The following POLR1A variants were observed in gnomAD, a reference collection of about 807,000 sequenced individuals.
The protein encoded by POLR1A is RNA polymerase I subunit A.
Under a neutral mutation model 205.3 loss-of-function variants are expected in POLR1A, and 84 were observed. That is an observed-to-expected ratio of 0.41 (90% CI 0.34 to 0.49). POLR1A has a LOEUF of 0.49. Among genes scored for constraint, POLR1A ranks in the 20% least tolerant of loss-of-function variants. The pLI is 0.22. For missense variants in POLR1A, 1,645 were observed against 2,204.5 expected (o/e 0.75, Z 5.08); for synonymous variants, 799 against 863.7 (o/e 0.93, Z 1.31).
At chr2:86,093,787 C>A (rs1364900163) in intron 3 of POLR1A, among the ~76,000 whole-genome samples, 1 of 152,156 alleles carries the variant, frequency 6.6e-6, no homozygotes, top group African/African-American at 2.4e-5. Context: ...CGAGATAGTG[C>A]CACTGTACTC....
At chr2:86,072,752 G>C (rs1673202397) in intron 12 of POLR1A, among the ~76,000 whole-genome samples, 1 of 152,186 alleles carries the variant, frequency 6.6e-6, no homozygotes, top group African/African-American at 2.4e-5. Context: ...CAGGGGATGG[G>C]GCAGAGCTTT....
rs1306823480 is a variant in POLR1A at position 86,023,510 on chromosome 2, G to A, written c.*3913C>T. The stretch of plus-strand genomic sequence containing the variant: ...AGAACACTTAAGGGTCCCAACATCT[G>A]ATTGAAACACAGCCCACACCAAACC... On this transcript the variant is annotated 3_prime_UTR_variant, in exon 34 of 34. Transcript: ENST00000263857. 1.3e-5 allele frequency: 2 copies of A among 152,158 alleles called. No individual in the cohort carries two copies. Among genetic ancestry groups the A allele is most frequent in the Non-Finnish European group, 2.9e-5 (2 of 68,034 alleles). 9.4% of individuals were successfully genotyped at this position (152,158 alleles called of 1,614,324 possible). A position where few individuals can be genotyped will look rare whatever the true frequency, so the allele number is the denominator to read the frequency against.
chr2:86,058,088 T>TCTCTACTCTA lies in POLR1A; in HGVS notation c.2059-3809_2059-3800dup, dbSNP rs142733694. Among the ~76,000 whole-genome samples the TCTCTACTCTA allele has an allele frequency of 3.8e-3, 580 of 152,116 alleles. 18 individuals carry two copies. In the East Asian group the frequency reaches 0.087, roughly 23 times the overall value. On this transcript the variant is annotated intron_variant, in intron 14 of 33. Coordinates refer to ENST00000263857, the MANE Select transcript of POLR1A (RefSeq NM_015425.6). ...CATGCCCAGCTACTCTACTCTACTC[T>TCTCTACTCTA]CTCTACTCTACTCTACTCTATTCAT...
At chr2:86,060,297 T>C (rs1211414419) in intron 14 of POLR1A, among the ~76,000 whole-genome samples, 2 of 152,144 alleles carry the variant, frequency 1.3e-5, no homozygotes, top group African/African-American at 4.8e-5. Flanking sequence ...GTGCACAGTG[T>C]GAAAGTTTAC....
chr2:86,093,446 C>T lies in POLR1A; in HGVS notation c.433-3517G>A, dbSNP rs574557713. Among the ~76,000 whole-genome samples the T allele has an allele frequency of 1.4e-4, 21 of 152,264 alleles. No individual in the cohort carries two copies. The South Asian group carries it at 1.9e-3, about 14-fold the overall frequency. ...GACACTCACAAATATGACCGTGATA[C>T]GATCATCAAAAAATGGTAACTTAGC... On this transcript the variant is annotated intron_variant, in intron 3 of 33. Coordinates refer to ENST00000263857, the MANE Select transcript of POLR1A (RefSeq NM_015425.6).
intron 13 of POLR1A, among the ~76,000 whole-genome samples, chr2:86,068,392 G>GGGC (rs1558775777): frequency 2.6e-5 from 3 of 114,760 alleles, no homozygotes; most frequent in African/African-American, 1.0e-4. Context: ...TGGGCGGGGG[G>GGGC]GGGGGGCGGG....
At chr2:86,042,931 C>A in intron 23 of POLR1A, 43 bp downstream of exon 23, 1 of 1,434,114 alleles carries the variant, frequency 7.0e-7, no homozygotes, top group African/African-American at 1.4e-5. Context: ...ACTGACTAAG[C>A]CTGGACGTGC....
chr2:86,048,509 G>A (rs927030697), intron 18 of POLR1A, among the ~76,000 whole-genome samples: 1 of 152,222 alleles, frequency 6.6e-6, no homozygotes, highest in Middle Eastern at 3.2e-3. Flanking sequence ...ACTGGAACCT[G>A]AGCCTTCACT....
chr2:86,069,334 C>T (rs1238705727), intron 13 of POLR1A, among the ~76,000 whole-genome samples: 1 of 152,216 alleles, frequency 6.6e-6, no homozygotes, highest in African/African-American at 2.4e-5. Context: ...CTGGAACACA[C>T]TCTGTCTTCT....
intron 8 of POLR1A, among the ~76,000 whole-genome samples, 156 bp downstream of exon 8, chr2:86,081,445 C>T (rs180678212): frequency 3.3e-5 from 5 of 152,190 alleles, no homozygotes; most frequent in African/African-American, 7.2e-5. Flanking sequence ...TCACAACAAA[C>T]GGGAAGGAAA....
rs1672310152 is a variant in POLR1A at position 86,028,421 on chromosome 2, T to C, written c.4897+173A>G. On this transcript the variant is annotated intron_variant, in intron 32 of 33. Coordinates refer to ENST00000263857, the MANE Select transcript of POLR1A (RefSeq NM_015425.6). This position sits in a 1 kb window ranked among gnomAD's most constrained non-coding sequence, Gnocchi z 4.5. Reference sequence around the variant, plus strand: ...TCTCAGTGATGGGAGACGTCACCTCTTCACAGATCTGCAGTCTCCTACAGG... The same window carrying C: ...TCTCAGTGATGGGAGACGTCACCTCCTCACAGATCTGCAGTCTCCTACAGG... 6.6e-6 allele frequency among the ~76,000 whole-genome samples: 1 copy of C among 152,204 alleles called. No homozygotes were observed. Among genetic ancestry groups the C allele is most frequent in the South Asian group, 2.1e-4 (1 of 4,832 alleles).
At chr2:86,078,056 C>T in intron 10 of POLR1A, 58 bp downstream of exon 10, 1 of 1,612,398 alleles carries the variant, frequency 6.2e-7, no homozygotes, top group Non-Finnish European at 8.5e-7. Flanking sequence ...TGTTTCAATA[C>T]ACAATGTTTA....
In POLR1A at chr2:86,043,799, G is replaced by A. The variant is rs142672088; in HGVS notation, c.3135+340C>T. Among the ~76,000 whole-genome samples, 1,206 of 152,232 alleles carry A rather than the reference G, an allele frequency of 7.9e-3. 22 individuals are homozygous for A. The highest frequency in any genetic ancestry group is 0.027 in the African/African-American group (1,122 of 41,532). On this transcript the variant is annotated intron_variant, in intron 22 of 33. Coordinates refer to ENST00000263857, the MANE Select transcript of POLR1A (RefSeq NM_015425.6). ...ACTCAGTTGCCTCAGCTGCAAAATC[G>A]GCAGAGTAATGCCTACTTCCCTGGG...
intron 31 of POLR1A, among the ~76,000 whole-genome samples, chr2:86,029,653 G>GGT (rs1260220778): frequency 1.3e-5 from 2 of 148,766 alleles, no homozygotes; most frequent in Non-Finnish European, 3.0e-5. Context: ...CTGGAGTGCA[G>GGT]CGGCGCAATC....
chr2:86,041,880 T>A lies in POLR1A; in HGVS notation c.3572+9A>T. The A allele has an allele frequency of 6.2e-7, 1 of 1,609,602 alleles. No individual in the cohort carries two copies. The highest frequency in any genetic ancestry group is 8.5e-7 in the Non-Finnish European group (1 of 1,175,858). On this transcript the variant is annotated intron_variant, in intron 24 of 33. Transcript: ENST00000263857. ...CTGCACATGTTGTGCAACAAATCAC[T>A]GTCAATACCTGTCGAGAGAAAGCTC... is the stretch of plus-strand genomic sequence containing the variant.
rs544140944 is a variant in POLR1A, at chr2:86,067,297, T to C, written c.1867-1832A>G. Reference sequence around the variant, plus strand: ...AATAGCAAAATGACATTACAATTAATGTCTCTGGTTAGGATGCTTTGTGAA... The same window carrying C: ...AATAGCAAAATGACATTACAATTAACGTCTCTGGTTAGGATGCTTTGTGAA... On this transcript the variant is annotated intron_variant, in intron 13 of 33. Coordinates refer to ENST00000263857, the MANE Select transcript of POLR1A (RefSeq NM_015425.6). Among the ~76,000 whole-genome samples, 5 of 152,344 alleles carry C rather than the reference T, an allele frequency of 3.3e-5. No individual in the cohort carries two copies. The South Asian group carries it at 8.3e-4, about 25-fold the overall frequency.
Position 86,022,273 on chromosome 2 carries a change from G to A in POLR1A, c.*5150C>T, listed in dbSNP as rs982729460. On this transcript the variant is annotated 3_prime_UTR_variant, in exon 34 of 34. Transcript: ENST00000263857. ...CAGGCTTTGTTGAGCCCCAGGTGGAGCTGATGGTGGCATCCTTTGGACCCC... is the reference window on the plus strand; with the variant it reads ...CAGGCTTTGTTGAGCCCCAGGTGGAACTGATGGTGGCATCCTTTGGACCCC... The A allele has an allele frequency of 1.3e-5, 2 of 152,256 alleles. No individual in the cohort carries two copies. Among genetic ancestry groups the A allele is most frequent in the African/African-American group, 2.4e-5 (1 of 41,458 alleles). The allele number at this position is 152,256 out of a possible 1,614,324, so 9.4% of individuals were successfully genotyped here. A position where few individuals can be genotyped will look rare whatever the true frequency, so the allele number is the denominator to read the frequency against.
At chr2:86,036,854 C>T (rs567803920) in intron 27 of POLR1A, 30 of 152,380 alleles carry the variant, frequency 2.0e-4, no homozygotes, top group African/African-American at 7.2e-4. Flanking sequence ...CGGCTGGGAA[C>T]AAGCCAGGGC....
chr2:86,041,029 G>C (rs1227342519), intron 24 of POLR1A, among the ~76,000 whole-genome samples: 2 of 152,180 alleles, frequency 1.3e-5, no homozygotes, highest in African/African-American at 2.4e-5. Flanking sequence ...TTTTTAGTTA[G>C]TGCAAATGGC....
Sources: gnomAD v4.1 joint callset for allele counts (sites outside exome capture counted in the v4.1 genomes callset) on GRCh38, gnomAD v4.1.1 for gene constraint, Gnocchi (gnomAD v3.1) non-coding constraint, MANE v1.5 for transcripts, NCBI Gene and HGNC (gene_info 2026-07-23, HGNC 2026-07-21) for gene names.